Variants in TRIM29 observed in about 807,000 individuals in gnomAD.
TRIM29 encodes tripartite motif containing 29.
TRIM29 carries 52 observed loss-of-function variants against 57.3 expected under a neutral mutation model. The ratio of observed to expected loss-of-function variants is 0.91; its 90% CI spans 0.73 to 1.14. TRIM29 has a LOEUF of 1.14. Among genes scored for constraint, TRIM29 ranks in the 50% most tolerant of loss-of-function variants. The pLI is 0.00. For synonymous variants in TRIM29, 319 were observed against 316.9 expected (o/e 1.01, Z -0.07); for missense variants, 753 against 774.6 (o/e 0.97, Z 0.33).
Position 120,125,841 on chromosome 11 carries a change from T to C in TRIM29, c.1183A>G (p.Thr395Ala). The change falls in exon 4 of 9, where the codon ACC becomes GCC. Residue 395 changes from threonine (T) to alanine (A), a missense_variant. By Grantham distance (58) the Thr-to-Ala change is moderately conservative. Transcript: ENST00000341846. ...TCCCCCTCCAGCAGGACATGATAGG[T>C]GGGCAGGGGTGGGGGGAGAGAGTAA... is the stretch of plus-strand genomic sequence containing the variant. ...SNYSLPPPLPTYHVLLEGEGL... is the reference protein window; with the variant it reads ...SNYSLPPPLPAYHVLLEGEGL... 1.2e-6 allele frequency: 2 copies of C among 1,614,014 alleles called. No individual in the cohort carries two copies. Among genetic ancestry groups the C allele is most frequent in the Non-Finnish European group, 1.7e-6 (2 of 1,179,992 alleles).
rs368142018 is a variant in TRIM29, at chr11:120,112,441, G to A, written c.1740C>T (p.Asn580=). 2.5e-5 allele frequency: 41 copies of A among 1,612,740 alleles called. No homozygotes were observed. Among genetic ancestry groups the A allele is most frequent in the Middle Eastern group, 1.6e-4 (1 of 6,074 alleles). ...HYRPFYVNKG[N]GIGSNEAP ...ATGGGGCTTCGTTGGACCCAATCCC[G>A]TTGCCTTTGTTGACGTAGAATGGCC... Residue 580 remains asparagine, a synonymous_variant, in exon 9 of 9, where the codon AAC becomes AAT. Transcript: ENST00000341846.
intron 4 of TRIM29, chr11:120,123,767 G>A (rs150501040): frequency 3.1e-6 from 1 of 324,310 alleles, no homozygotes; most frequent in East Asian, 8.0e-5. Flanking sequence ...GAGGAGAAAT[G>A]TGCCTGAGAC....
At chr11:120,120,761 G>T in intron 5 of TRIM29, 96 bp from the exon 6 acceptor site, 1 of 983,210 alleles carries the variant, frequency 1.0e-6, no homozygotes, top group Non-Finnish European at 1.6e-6. Context: ...CACAGGACCT[G>T]GATTCCACCA....
intron 1 of TRIM29, among the ~76,000 whole-genome samples, chr11:120,131,013 G>A (rs1479469207): frequency 1.3e-5 from 2 of 152,158 alleles, no homozygotes; most frequent in East Asian, 1.9e-4. Context: ...AGAGGGAAGC[G>A]TAGCTCATGG....
intron 3 of TRIM29, 43 bp downstream of exon 3, chr11:120,127,293 T>C (rs1863611379): frequency 3.2e-6 from 5 of 1,582,876 alleles, no homozygotes; most frequent in Non-Finnish European, 4.3e-6. Flanking sequence ...AAAAAGTGGA[T>C]TGTGAAATCG....
At chr11:120,118,165 G>T in intron 7 of TRIM29, 58 bp downstream of exon 7, 1 of 1,490,522 alleles carries the variant, frequency 6.7e-7, no homozygotes, top group Non-Finnish European at 9.3e-7. Context: ...CCCAAGCAGG[G>T]CTTGGGAGGT....
rs1565317460 is a variant in TRIM29 at position 120,125,680 on chromosome 11, A to T, written c.1333+11T>A. 1 of 1,613,992 alleles carries T rather than the reference A, an allele frequency of 6.2e-7. No individual in the cohort carries two copies. Among genetic ancestry groups the T allele is most frequent in the Non-Finnish European group, 8.5e-7 (1 of 1,179,976 alleles). On this transcript the variant is annotated intron_variant, in intron 4 of 8. Transcript: ENST00000341846. Reference sequence around the variant, plus strand: ...TATGGCCTTGGGGCCCAGCCACGAGAGGGGACCTACCGTTCTCCATGTGGT... The same window carrying T: ...TATGGCCTTGGGGCCCAGCCACGAGTGGGGACCTACCGTTCTCCATGTGGT...
Position 120,137,171 on chromosome 11 carries a change from G to C in TRIM29, c.804+57C>G. 1 of 1,582,498 alleles carries C rather than the reference G, an allele frequency of 6.3e-7. No individual in the cohort carries two copies. Among genetic ancestry groups the C allele is most frequent in the Non-Finnish European group, 8.6e-7 (1 of 1,158,790 alleles). On this transcript the variant is annotated intron_variant, in intron 1 of 8. Transcript: ENST00000341846. This position sits in a 1 kb window ranked among gnomAD's most constrained non-coding sequence, Gnocchi z 6.2. ...GCCCGAGTGGAGAAGATGAAGTTCG[G>C]AGGGGTGGGGTGAGAGAGGAGAGGC...
chr11:120,120,758 C>T, intron 5 of TRIM29, 93 bp from the exon 6 acceptor site: 5 of 1,038,894 alleles, frequency 4.8e-6, no homozygotes, highest in Non-Finnish European at 7.3e-6. Context: ...CATCACAGGA[C>T]CTGGATTCCA....
At position 120,128,440 on chromosome 11, in the gene TRIM29, T is replaced by C. The variant is rs1188442461; in HGVS notation, c.860A>G (p.Asp287Gly). The change falls in exon 2 of 9, where the codon GAT becomes GGT. Residue 287 changes from aspartate (D) to glycine (G), a missense_variant. Coordinates refer to ENST00000341846, the MANE Select transcript of TRIM29 (RefSeq NM_012101.4). ...QLQLKIIEIE[D>G]EAEKWQKEKD... ...CTCCTTCTGCCACTTCTCAGCTTCA[T>C]CCTCAATCTCAATGATCTTGAGCTG... The C allele has an allele frequency of 2.5e-6, 4 of 1,612,532 alleles. No homozygotes were observed. In the Admixed American group the frequency reaches 5.0e-5, roughly 20 times the overall value.
intron 2 of TRIM29, among the ~76,000 whole-genome samples, chr11:120,127,899 C>T (rs1863629416): frequency 6.6e-6 from 1 of 152,098 alleles, no homozygotes. Flanking sequence ...TAACCAGAAC[C>T]AAACATTATT....
At position 120,111,934 on chromosome 11, in the gene TRIM29, T is replaced by G; in HGVS notation, c.*480A>C. 5.9e-6 allele frequency: 1 copy of G among 169,830 alleles called. No individual in the cohort carries two copies. The highest frequency in any genetic ancestry group is 1.3e-5 in the Non-Finnish European group (1 of 79,716). The allele number at this position is 169,830 out of a possible 1,614,324, so 10.5% of individuals were successfully genotyped here. ...GGCCAGTCCTCTGGGAAGCAGGAGG[T>G]GGGCCATGTGAATGGGAGATGGGTG... On this transcript the variant is annotated 3_prime_UTR_variant, in exon 9 of 9. Transcript: ENST00000341846.
intron 8 of TRIM29, among the ~76,000 whole-genome samples, chr11:120,113,926 C>T (rs1204939858): frequency 6.6e-6 from 1 of 152,172 alleles, no homozygotes; most frequent in Non-Finnish European, 1.5e-5. Context: ...TACCTTCACC[C>T]TCCCATCCCC....
chr11:120,129,853 AG>A (rs1227875957), intron 1 of TRIM29, among the ~76,000 whole-genome samples: 2 of 151,964 alleles, frequency 1.3e-5, no homozygotes, highest in Non-Finnish European at 2.9e-5. Flanking sequence ...CTCTCCAGGC[AG>A]GGAGATTCAG....
intron 6 of TRIM29, among the ~76,000 whole-genome samples, chr11:120,119,712 C>T (rs1320428347): frequency 6.6e-6 from 1 of 152,082 alleles, no homozygotes; most frequent in Non-Finnish European, 1.5e-5. Flanking sequence ...TGCTCTGGTG[C>T]CCCTGACCCT....
At position 120,127,573 on chromosome 11, in the gene TRIM29, G is replaced by C. The variant is rs576451874; in HGVS notation, c.901-4C>G. ...CCTTCTCATTGGTGGTGAAGCTCTG[G>C]AGGTCCAGAGTCAGGGAAGAGATTA... is the stretch of plus-strand genomic sequence containing the variant. On this transcript the variant is annotated splice_polypyrimidine_tract_variant and splice_region_variant and intron_variant, in intron 2 of 8. Transcript: ENST00000341846. 4 of 1,612,998 alleles carry C rather than the reference G, an allele frequency of 2.5e-6. No individual in the cohort carries two copies. The East Asian group carries it at 6.7e-5, about 27-fold the overall frequency.
intron 6 of TRIM29, 131 bp from the exon 7 acceptor site, chr11:120,118,452 C>A (rs1180076073): frequency 1.6e-6 from 1 of 634,966 alleles, no homozygotes; most frequent in Non-Finnish European, 2.7e-6. Flanking sequence ...ACTGTGTGAT[C>A]CCAGTGACGC....
Position 120,126,453 on chromosome 11 carries a change from A to G in TRIM29, c.1135-564T>C, listed in dbSNP as rs1231747336. On this transcript the variant is annotated intron_variant, in intron 3 of 8. Transcript: ENST00000341846. ...GAGATGGGGTTTCATCATGTTGGCCAGGCTGGTCTTGAACTCCTGATCTCA... is the reference window on the plus strand; with the variant it reads ...GAGATGGGGTTTCATCATGTTGGCCGGGCTGGTCTTGAACTCCTGATCTCA... 4 of 153,024 alleles carry G rather than the reference A, an allele frequency of 2.6e-5. No homozygotes were observed. In the East Asian group the frequency reaches 5.8e-4, roughly 22 times the overall value. 9.5% of individuals were successfully genotyped at this position (153,024 alleles called of 1,614,324 possible).
intron 8 of TRIM29, among the ~76,000 whole-genome samples, chr11:120,114,363 C>G (rs1863213469): frequency 6.6e-6 from 1 of 152,226 alleles, no homozygotes; most frequent in South Asian, 2.1e-4. Flanking sequence ...AAATTACATA[C>G]ACGATCACTT....
Sources: gnomAD v4.1 joint callset for allele counts (sites outside exome capture counted in the v4.1 genomes callset) on GRCh38, gnomAD v4.1.1 for gene constraint, Gnocchi (gnomAD v3.1) non-coding constraint, MANE v1.5 for transcripts, NCBI Gene and HGNC (gene_info 2026-07-23, HGNC 2026-07-21) for gene names.